The following UGP2 variants were observed in gnomAD, a reference collection of about 807,000 sequenced individuals.
UGP2 encodes UDP-glucose pyrophosphorylase 2.
In UGP2, 40 loss-of-function variants were observed where a neutral mutation model predicts 49.0. That is an observed-to-expected ratio of 0.82 (90% CI 0.63 to 1.06). The LOEUF (loss-of-function observed/expected upper bound fraction) is 1.06, where lower values mean the gene tolerates loss of function less well. Among genes scored for constraint, UGP2 ranks in the 50% least tolerant of loss-of-function variants. The pLI is 0.00. For synonymous variants in UGP2, 225 were observed against 213.0 expected, an observed-to-expected ratio of 1.06 and a Z score of -0.49; for missense variants, 460 against 603.5, an observed-to-expected ratio of 0.76 and a Z score of 2.49.
intron 3 of UGP2, among the ~76,000 whole-genome samples, chr2:63,871,761 A>G (rs890575491): frequency 1.3e-5 from 2 of 152,238 alleles, no homozygotes; most frequent in Non-Finnish European, 2.9e-5. Context: ...AAGCCAACAT[A>G]TAGCCTTAGT....
chr2:63,885,068 CGG>C (rs1671585888), intron 5 of UGP2, among the ~76,000 whole-genome samples: 1 of 100,634 alleles, frequency 9.9e-6, no homozygotes, highest in South Asian at 3.5e-4. Context: ...TAGTCTGTTG[CGG>C]TGCTAGCTCC....
At chr2:63,879,020 AGTTCC>A (rs902802764) in intron 3 of UGP2, among the ~76,000 whole-genome samples, 1 of 151,760 alleles carries the variant, frequency 6.6e-6, no homozygotes, top group African/African-American at 2.4e-5. Context: ...AAAAAAAAAA[AGTTCC>A]TGTTAGTACT....
At position 63,885,896 on chromosome 2, in the gene UGP2, G is replaced by T. The variant is rs768146667; in HGVS notation, c.873+10G>T. The T allele has an allele frequency of 5.2e-6, 8 of 1,545,760 alleles. No individual in the cohort carries two copies. The highest frequency in any genetic ancestry group is 6.1e-6 in the Non-Finnish European group (7 of 1,150,820). On this transcript the variant is annotated intron_variant, in intron 6 of 9. Coordinates refer to ENST00000337130, the MANE Select transcript of UGP2 (RefSeq NM_006759.4). The stretch of plus-strand genomic sequence containing the variant: ...ACGTGCAGATGTAAAGGTAAATACC[G>T]AGAGGAAGCAGTTTAGGGCTTCATG...
intron 4 of UGP2, among the ~76,000 whole-genome samples, chr2:63,883,690 C>T (rs902867762): frequency 6.6e-6 from 1 of 152,162 alleles, no homozygotes; most frequent in Non-Finnish European, 1.5e-5. Flanking sequence ...TTGCCAGACC[C>T]ACCACCTATC....
chr2:63,844,321 G>C (rs74528945), intron 1 of UGP2, among the ~76,000 whole-genome samples: 1 of 152,118 alleles, frequency 6.6e-6, no homozygotes. Context: ...ATTTTTTTAA[G>C]CAAATCAAAT....
chr2:63,875,675 T>C (rs1288366204), intron 3 of UGP2, among the ~76,000 whole-genome samples: 1 of 152,216 alleles, frequency 6.6e-6, no homozygotes, highest in Non-Finnish European at 1.5e-5. Context: ...CCCCAGAGGA[T>C]GTTAGCTATT....
chr2:63,863,308 T>C (rs1208547580), intron 3 of UGP2, among the ~76,000 whole-genome samples: 1 of 152,208 alleles, frequency 6.6e-6, no homozygotes, highest in African/African-American at 2.4e-5. Context: ...CTTTGTAGGA[T>C]CGTTTGCCAT....
In UGP2 at chr2:63,842,137, C is replaced by A. The variant is rs1381734816; in HGVS notation, c.-49C>A. On this transcript the variant is annotated 5_prime_UTR_variant, in exon 1 of 10. Transcript: ENST00000337130. ...GAGAGACCTGCCCTGTAGCGTGACT[C>A]CTCTAGAAAAAAAAAAAAAAAGCCG... The A allele has an allele frequency of 5.7e-6, 9 of 1,565,350 alleles. No individual in the cohort carries two copies. The highest frequency in any genetic ancestry group is 1.4e-5 in the African/African-American group (1 of 71,208).
chr2:63,842,708 C>A (rs1671653677), intron 1 of UGP2: 1 of 1,058,208 alleles, frequency 9.4e-7, no homozygotes, highest in Non-Finnish European at 1.3e-6. Flanking sequence ...CTGGGAGTAG[C>A]CCGAAGAAGC....
At chr2:63,881,988 G>A (rs1169801854) in intron 3 of UGP2, among the ~76,000 whole-genome samples, 1 of 152,242 alleles carries the variant, frequency 6.6e-6, no homozygotes, top group Non-Finnish European at 1.5e-5. Context: ...CAAAGAACAA[G>A]TGTGTTTTGG....
chr2:63,869,032 GT>G (rs1486178394), intron 3 of UGP2, among the ~76,000 whole-genome samples: 1 of 151,928 alleles, frequency 6.6e-6, no homozygotes, highest in African/African-American at 2.4e-5. Context: ...TCCAACAGCT[GT>G]TTTTTGAGCA....
rs34467113 is a variant in UGP2, at chr2:63,881,348, TAC to T, written c.256-1089_256-1088del. Among the ~76,000 whole-genome samples the T allele has an allele frequency of 7.2e-3, 1,048 of 145,510 alleles. 10 individuals are homozygous for T. Among genetic ancestry groups the T allele is most frequent in the African/African-American group, 0.014 (549 of 39,636 alleles). The stretch of plus-strand genomic sequence containing the variant: ...TTCTTTCCCAGTCACACCTACCCAT[TAC>T]ACACACACACACACACACACACACA... On this transcript the variant is annotated intron_variant, in intron 3 of 9. Coordinates refer to ENST00000337130, the MANE Select transcript of UGP2 (RefSeq NM_006759.4).
At chr2:63,849,961 T>G (rs1027629553) in intron 1 of UGP2, among the ~76,000 whole-genome samples, 5 of 152,250 alleles carry the variant, frequency 3.3e-5, no homozygotes, top group Non-Finnish European at 5.9e-5. Flanking sequence ...ATCGTGATTT[T>G]ATGTTATACC....
chr2:63,857,476 A>G (rs555873368), intron 2 of UGP2: 6 of 386,502 alleles, frequency 1.6e-5, no homozygotes, highest in Admixed American at 1.4e-4. Flanking sequence ...TGATCCTCCC[A>G]CCTCAGCCCC....
intron 8 of UGP2, chr2:63,889,829 G>A (rs916624674): frequency 9.1e-5 from 25 of 275,784 alleles, no homozygotes; most frequent in South Asian, 1.8e-4. Context: ...AAAAAAAAAA[G>A]AAAAAAAACC....
Position 63,891,436 on chromosome 2 carries a change from G to A in UGP2, c.*209G>A, listed in dbSNP as rs1410546140. On this transcript the variant is annotated 3_prime_UTR_variant, in exon 10 of 10. Coordinates refer to ENST00000337130, the MANE Select transcript of UGP2 (RefSeq NM_006759.4). ...TCTTTGAAGAGAATCCCAAAAGTTAGTTCATCTTAAAGTGCAATATTGTTT... is the reference window on the plus strand; with the variant it reads ...TCTTTGAAGAGAATCCCAAAAGTTAATTCATCTTAAAGTGCAATATTGTTT... The A allele has an allele frequency of 5.2e-6, 2 of 387,944 alleles. No individual in the cohort carries two copies. Among genetic ancestry groups the A allele is most frequent in the Non-Finnish European group, 9.1e-6 (2 of 219,316 alleles). The allele number at this position is 387,944 out of a possible 1,614,324, so 24.0% of individuals were successfully genotyped here. A position where few individuals can be genotyped will look rare whatever the true frequency, so the allele number is the denominator to read the frequency against.
chr2:63,878,827 A>G (rs1037137086), intron 3 of UGP2, among the ~76,000 whole-genome samples: 1 of 152,090 alleles, frequency 6.6e-6, no homozygotes, highest in African/African-American at 2.4e-5. Flanking sequence ...CAGACTCCCA[A>G]AGTGTTGGGA....
At chr2:63,890,294 AC>A (rs201713347) in intron 9 of UGP2, 109 bp downstream of exon 9, 147,715 of 700,794 alleles carry the variant, frequency 0.21, 18,130 homozygotes, top group Non-Finnish European at 0.24. Context: ...TCTTAGTGCC[AC>A]CTTAATTACT....
At chr2:63,889,683 C>CT (rs1213147010) in intron 8 of UGP2, 7 of 156,738 alleles carry the variant, frequency 4.5e-5, no homozygotes, top group African/African-American at 1.7e-4. Context: ...AAAATGTGCT[C>CT]TAATTTTTCA....
Sources: gnomAD v4.1 joint callset for allele counts (sites outside exome capture counted in the v4.1 genomes callset) on GRCh38, gnomAD v4.1.1 for gene constraint, MANE v1.5 for transcripts, NCBI Gene and HGNC (gene_info 2026-07-23, HGNC 2026-07-21) for gene names.